UMAD1: variants seen among roughly 807,000 people sequenced by gnomAD.
UMAD1 encodes the protein UBAP1-MVB12-associated (UMA)-domain containing protein 1.
Under a neutral mutation model 6.1 loss-of-function variants are expected in UMAD1, and 8 were observed. The observed-to-expected ratio is 1.30, with a 90% CI of 0.76 to 2.35. The LOEUF (loss-of-function observed/expected upper bound fraction) is 2.35, where lower values mean the gene tolerates loss of function less well. UMAD1 is among the 30% of genes most tolerant of loss of function. The pLI, the probability that UMAD1 is intolerant of heterozygous loss-of-function variation, is 0.00. For synonymous variants in UMAD1, 56 were observed against 31.4 expected, an observed-to-expected ratio of 1.78 and a Z score of -2.61; for missense variants, 130 against 78.4, an observed-to-expected ratio of 1.66 and a Z score of -2.49.
intron 2 of UMAD1, among the ~76,000 whole-genome samples, chr7:7,731,200 C>T (rs1464595294): frequency 6.6e-6 from 1 of 152,044 alleles, no homozygotes; most frequent in African/African-American, 2.4e-5. Context: ...GGGGGTTCCA[C>T]CATGTTGGCC....
At chr7:7,757,275 A>G (rs1396710738) in intron 2 of UMAD1, among the ~76,000 whole-genome samples, 1 of 152,208 alleles carries the variant, frequency 6.6e-6, no homozygotes, top group African/African-American at 2.4e-5. Context: ...GGTATCCAAG[A>G]TGTGAGAAAA....
intron 3 of UMAD1, among the ~76,000 whole-genome samples, chr7:7,835,185 C>G (rs1455009137): frequency 1.3e-5 from 2 of 152,124 alleles, no homozygotes; most frequent in African/African-American, 4.8e-5. Flanking sequence ...AGTCACTCAT[C>G]ATTGTAATTC....
intron 1 of UMAD1, among the ~76,000 whole-genome samples, chr7:7,648,649 G>T (rs749295285): frequency 7.3e-5 from 11 of 150,942 alleles, no homozygotes; most frequent in Non-Finnish European, 1.6e-4. Flanking sequence ...TCAGGAGTTC[G>T]AGACAAGCCT....
chr7:7,812,348 C>G (rs1045366115), intron 3 of UMAD1, among the ~76,000 whole-genome samples: 2 of 152,190 alleles, frequency 1.3e-5, no homozygotes, highest in African/African-American at 4.8e-5. Flanking sequence ...AACCCGCTAA[C>G]CTGCTGCTTT....
intron 3 of UMAD1, among the ~76,000 whole-genome samples, chr7:7,844,685 A>G (rs1783750820): frequency 6.6e-6 from 1 of 152,174 alleles, no homozygotes; most frequent in South Asian, 2.1e-4. Context: ...GACTCTAAGA[A>G]CACAAGGCTG....
rs529297036 is a variant in UMAD1 at position 7,758,912 on chromosome 7, C to T, written c.83-42758C>T. On this transcript the variant is annotated intron_variant, in intron 2 of 3. Coordinates refer to ENST00000682710, the MANE Select transcript of UMAD1 (RefSeq NM_001302348.2). ...AAGTTTTTGTACATATCTTGCTTCA[C>T]GGATCTTTGTAGCTTTGGTTTTGTT... Among the ~76,000 whole-genome samples the T allele has an allele frequency of 9.9e-5, 15 of 152,258 alleles. No homozygotes were observed. The South Asian group carries it at 1.5e-3, about 15-fold the overall frequency.
Position 7,852,640 on chromosome 7 carries a change from G to A in UMAD1, c.157-24641G>A, listed in dbSNP as rs977497206. Among the ~76,000 whole-genome samples the A allele has an allele frequency of 2.6e-5, 4 of 152,274 alleles. No individual in the cohort carries two copies. In the East Asian group the frequency reaches 5.8e-4, roughly 22 times the overall value. On this transcript the variant is annotated intron_variant, in intron 3 of 3. Coordinates refer to ENST00000682710, the MANE Select transcript of UMAD1 (RefSeq NM_001302348.2). ...CAGATGAAGAGATACACGGGGTAAGGTCTGGAAGGGTCATGAGCACAGGAA... is the reference window on the plus strand; with the variant it reads ...CAGATGAAGAGATACACGGGGTAAGATCTGGAAGGGTCATGAGCACAGGAA...
At chr7:7,839,104 A>T (rs574823344) in intron 3 of UMAD1, among the ~76,000 whole-genome samples, 1 of 152,302 alleles carries the variant, frequency 6.6e-6, no homozygotes, top group South Asian at 2.1e-4. Context: ...GTTGTATTTT[A>T]TTCTTTATGC....
rs75752720 is a variant in UMAD1, at chr7:7,642,307, A to T, written c.-64+1486A>T. ...ATACCACCACACCCAGCTAATAAAG[A>T]TTTTTTTTTTGTTGTTTGTTTTTTT... is the stretch of plus-strand genomic sequence containing the variant. On this transcript the variant is annotated intron_variant, in intron 1 of 3. Coordinates refer to ENST00000682710, the MANE Select transcript of UMAD1 (RefSeq NM_001302348.2). 1.8e-4 allele frequency among the ~76,000 whole-genome samples: 27 copies of T among 149,478 alleles called. No individual in the cohort carries two copies. In the East Asian group the frequency reaches 4.9e-3, roughly 27 times the overall value.
At chr7:7,849,496 T>C (rs1783873937) in intron 3 of UMAD1, among the ~76,000 whole-genome samples, 1 of 152,120 alleles carries the variant, frequency 6.6e-6, no homozygotes, top group Admixed American at 6.6e-5. Context: ...ACAGGTACTG[T>C]GGTCTAGTGA....
intron 2 of UMAD1, among the ~76,000 whole-genome samples, chr7:7,705,411 AT>A (rs1300195594): frequency 6.6e-6 from 1 of 152,236 alleles, no homozygotes; most frequent in Non-Finnish European, 1.5e-5. Context: ...TGTAAGCACG[AT>A]AAAATAACTA....
chr7:7,836,231 A>G (rs1032263119), intron 3 of UMAD1, among the ~76,000 whole-genome samples: 5 of 152,000 alleles, frequency 3.3e-5, no homozygotes, highest in Non-Finnish European at 5.9e-5. Context: ...AAACGTGTTT[A>G]CATATTACTT....
At chr7:7,791,582 G>T (rs1039535407) in intron 2 of UMAD1, among the ~76,000 whole-genome samples, 8 of 152,132 alleles carry the variant, frequency 5.3e-5, no homozygotes, top group African/African-American at 1.9e-4. Context: ...AGTGTTAAAC[G>T]GCTAAATTGA....
At chr7:7,701,253 C>G (rs914044569) in intron 2 of UMAD1, among the ~76,000 whole-genome samples, 1 of 151,966 alleles carries the variant, frequency 6.6e-6, no homozygotes, top group African/African-American at 2.4e-5. Flanking sequence ...GGCTTAGAGC[C>G]CTAAAACCTC....
intron 3 of UMAD1, among the ~76,000 whole-genome samples, chr7:7,866,917 GA>G: frequency 6.6e-6 from 1 of 152,282 alleles, no homozygotes; most frequent in Middle Eastern, 3.4e-3. Flanking sequence ...TTAGTATCCT[GA>G]ATGAAGAGAA....
chr7:7,824,891 T>A (rs750918565), intron 3 of UMAD1, among the ~76,000 whole-genome samples: 3 of 152,188 alleles, frequency 2.0e-5, no homozygotes, highest in Admixed American at 1.3e-4. Flanking sequence ...AAATGGCTCT[T>A]GATTTTTCAC....
At chr7:7,677,067 C>G (rs917495762) in intron 2 of UMAD1, among the ~76,000 whole-genome samples, 19 of 152,030 alleles carry the variant, frequency 1.2e-4, no homozygotes, top group African/African-American at 3.4e-4. Flanking sequence ...TTAACATGGA[C>G]ACATACTTGC....
At chr7:7,784,975 T>TC (rs1782434461) in intron 2 of UMAD1, among the ~76,000 whole-genome samples, 1 of 152,136 alleles carries the variant, frequency 6.6e-6, no homozygotes, top group African/African-American at 2.4e-5. Flanking sequence ...TGTCCTTCCT[T>TC]CTTAGAAAGG....
At chr7:7,815,133 T>G (rs1174645268) in intron 3 of UMAD1, among the ~76,000 whole-genome samples, 1 of 152,166 alleles carries the variant, frequency 6.6e-6, no homozygotes, top group Admixed American at 6.6e-5. Context: ...TCGGGAGTGA[T>G]GGTTCCTCAC....
Sources: allele counts gnomAD v4.1 joint callset (sites outside exome capture counted in the v4.1 genomes callset), GRCh38; gene constraint gnomAD v4.1.1; transcripts MANE v1.5; gene names NCBI Gene and HGNC (gene_info 2026-07-23, HGNC 2026-07-21).